The following ATP8B2 variants were observed in gnomAD, a reference collection of about 807,000 sequenced individuals.
The protein encoded by ATP8B2 is phospholipid-transporting ATPase ID.
Under a neutral mutation model 133.4 loss-of-function variants are expected in ATP8B2, and 70 were observed. The ratio of observed to expected loss-of-function variants is 0.52; its 90% confidence interval spans 0.43 to 0.64. The LOEUF (loss-of-function observed/expected upper bound fraction) is 0.64, where lower values mean the gene tolerates loss of function less well. Ranked by LOEUF, ATP8B2 falls within the 30% of genes least tolerant of loss-of-function variation. ATP8B2 has a pLI of 0.00. For missense variants in ATP8B2, 1,101 were observed against 1,535.7 expected, an observed-to-expected ratio of 0.72 and a Z score of 4.73; for synonymous variants, 517 against 589.5, an observed-to-expected ratio of 0.88 and a Z score of 1.78.
In ATP8B2 at chr1:154,345,057, C is replaced by CT; in HGVS notation, c.2375dup (p.Leu792PhefsTer27). 2 of 1,614,168 alleles carry CT rather than the reference C, an allele frequency of 1.2e-6. No individual in the cohort carries two copies. The highest frequency in any genetic ancestry group is 1.3e-5 in the African/African-American group (1 of 75,050). On this transcript the variant is annotated frameshift_variant, in exon 22 of 28. Coordinates refer to ENST00000368489, the MANE Select transcript of ATP8B2 (RefSeq NM_001370597.1). LOFTEE classifies it high-confidence loss of function. This position sits in a 1 kb window ranked among gnomAD's most constrained non-coding sequence, Gnocchi z 5.6. Reference sequence around the variant, plus strand: ...CTGTCATCTGCTGCCGGGTGACCCCCTTGCAGAAGGCACAGGTGGTAGAAC... The same window carrying CT: ...CTGTCATCTGCTGCCGGGTGACCCCCTTTGCAGAAGGCACAGGTGGTAGAAC...
In ATP8B2 at chr1:154,344,241, C is replaced by T. The variant is rs148099162; in HGVS notation, c.2022C>T (p.Thr674=). ...CCAACATCAAGATTTGGGTGCTAAC[C>T]GGAGACAAGCAAGGTGAGAGCCCAG... ...TLANIKIWVL[T]GDKQETAVNI... Residue 674 remains threonine (T), a synonymous_variant, in exon 19 of 28, where the codon ACC becomes ACT. Coordinates refer to ENST00000368489, the MANE Select transcript of ATP8B2 (RefSeq NM_001370597.1). This position sits in a 1 kb window ranked among gnomAD's most constrained non-coding sequence, Gnocchi z 4.1. 27 of 1,614,044 alleles carry T rather than the reference C, an allele frequency of 1.7e-5. No individual in the cohort carries two copies. The highest frequency in any genetic ancestry group is 1.6e-4 in the African/African-American group (12 of 74,908).
In ATP8B2 at chr1:154,329,000, A is replaced by C. The variant is rs2149158960; in HGVS notation, c.31+828A>C. The C allele has an allele frequency of 7.7e-7, 1 of 1,303,996 alleles. No homozygotes were observed. The highest frequency in any genetic ancestry group is 1.5e-5 in the African/African-American group (1 of 65,938). 80.8% of individuals were successfully genotyped at this position (1,303,996 alleles called of 1,614,324 possible). A position where few individuals can be genotyped will look rare whatever the true frequency, so the allele number is the denominator to read the frequency against. On this transcript the variant is annotated intron_variant, in intron 2 of 27. Transcript: ENST00000368489. This position sits in a 1 kb window ranked among gnomAD's most constrained non-coding sequence, Gnocchi z 4.6. ...TCAAACCGGGATCATGACGGTCCCC[A>C]AGGAGATGCCCGAGAAGTGGGCCCG...
At chr1:154,342,393 C>A in intron 13 of ATP8B2, 87 bp from the exon 14 acceptor site, 5 of 1,352,486 alleles carry the variant, frequency 3.7e-6, no homozygotes, top group Non-Finnish European at 5.3e-6. Flanking sequence ...TCAGTGCCTA[C>A]GGGGATTCTG....
At chr1:154,348,702 C>T in intron 27 of ATP8B2, 138 bp from the exon 28 acceptor site, 1 of 1,375,906 alleles carries the variant, frequency 7.3e-7, no homozygotes, top group Non-Finnish European at 9.6e-7. Flanking sequence ...ACAGAGGCCT[C>T]TGCGTCAGCC....
rs772244439 is a variant in ATP8B2 at position 154,348,465 on chromosome 1, C to T, written c.3221C>T (p.Thr1074Ile). ...GTGTGGCTGACCATTGTGCTCACCA[C>T]AGTCGTCTGCATCATGCCCGTGGTT... The part of the protein sequence containing the change: ...PTVWLTIVLT[T>I]VVCIMPVVAF... Residue 1074 changes from threonine (T) to isoleucine (I), a missense_variant, in exon 27 of 28, where the codon ACA becomes ATA. Thr to Ile is a moderately conservative substitution (Grantham distance 89). Coordinates refer to ENST00000368489, the MANE Select transcript of ATP8B2 (RefSeq NM_001370597.1). The T allele has an allele frequency of 8.7e-6, 14 of 1,614,014 alleles. No individual in the cohort carries two copies. The highest frequency in any genetic ancestry group is 1.2e-5 in the Non-Finnish European group (14 of 1,180,000).
In ATP8B2 at chr1:154,331,192, A is replaced by G; in HGVS notation, c.303+46A>G. The G allele has an allele frequency of 6.5e-7, 1 of 1,539,028 alleles. No individual in the cohort carries two copies. Among genetic ancestry groups the G allele is most frequent in the Non-Finnish European group, 8.9e-7 (1 of 1,119,530 alleles). On this transcript the variant is annotated intron_variant, in intron 5 of 27. Transcript: ENST00000368489. The surrounding 1 kb of genome is among the most constrained non-coding windows in gnomAD (Gnocchi z 4.8). ...TATTTTGTCCCAGTCACCCACCCCT[A>G]CTCCCAGCCCCACCCCCATCTCATG...
intron 2 of ATP8B2, among the ~76,000 whole-genome samples, chr1:154,330,066 A>G (rs1043178662): frequency 2.0e-5 from 3 of 152,130 alleles, no homozygotes; most frequent in Non-Finnish European, 4.4e-5. Context: ...TAATAGCAGC[A>G]AAAGGGGCTG....
chr1:154,329,137 C>T, intron 2 of ATP8B2: 2 of 1,201,698 alleles, frequency 1.7e-6, no homozygotes, highest in Non-Finnish European at 2.1e-6. Flanking sequence ...CCAATCCCTA[C>T]ATTCACTTGT....
In ATP8B2 at chr1:154,346,113, A is replaced by G. The variant is rs1456345112; in HGVS notation, c.2779-118A>G. On this transcript the variant is annotated intron_variant, in intron 24 of 27. Transcript: ENST00000368489. This position sits in a 1 kb window ranked among gnomAD's most constrained non-coding sequence, Gnocchi z 4.5. The stretch of plus-strand genomic sequence containing the variant: ...GGGTAGCTGGCTTGAGGTTGGTTCT[A>G]GCTGCCAAAGACTTTGGAAAGGAGG... 14 of 1,448,040 alleles carry G rather than the reference A, an allele frequency of 9.7e-6. No individual in the cohort carries two copies. The highest frequency in any genetic ancestry group is 1.4e-5 in the African/African-American group (1 of 70,718). The allele number at this position is 1,448,040 out of a possible 1,614,324, so 89.7% of individuals were successfully genotyped here.
At chr1:154,335,189 G>A (rs1330688327) in intron 11 of ATP8B2, among the ~76,000 whole-genome samples, 1 of 152,166 alleles carries the variant, frequency 6.6e-6, no homozygotes, top group Non-Finnish European at 1.5e-5. Context: ...GCTTTAAAGA[G>A]TGTGCGGAAA....
Position 154,331,163 on chromosome 1 carries a change from C to A in ATP8B2, c.303+17C>A. On this transcript the variant is annotated intron_variant, in intron 5 of 27. Coordinates refer to ENST00000368489, the MANE Select transcript of ATP8B2 (RefSeq NM_001370597.1). The surrounding 1 kb of genome is among the most constrained non-coding windows in gnomAD (Gnocchi z 4.8). Reference sequence around the variant, plus strand: ...GATGACTATGTGAGTGGTTTTCATTCTTCTATTTTGTCCCAGTCACCCACC... The same window carrying A: ...GATGACTATGTGAGTGGTTTTCATTATTCTATTTTGTCCCAGTCACCCACC... 1 of 1,607,162 alleles carries A rather than the reference C, an allele frequency of 6.2e-7. No individual in the cohort carries two copies. Among genetic ancestry groups the A allele is most frequent in the South Asian group, 1.1e-5 (1 of 90,890 alleles).
chr1:154,342,772 T>G (rs1686429982), intron 14 of ATP8B2, 24 bp from the exon 15 acceptor site: 1 of 1,611,934 alleles, frequency 6.2e-7, no homozygotes. Flanking sequence ...TAGCCTTTCC[T>G]AAGAGCCTTC....
In ATP8B2 at chr1:154,344,008, G is replaced by A. The variant is rs373295550; in HGVS notation, c.1874G>A (p.Arg625Gln). The A allele has an allele frequency of 1.1e-5, 17 of 1,614,012 alleles. No individual in the cohort carries two copies. The highest frequency in any genetic ancestry group is 6.7e-5 in the African/African-American group (5 of 74,932). ...RLQASLAQDSREDRLASIYEE... is the reference protein window; with the variant it reads ...RLQASLAQDSQEDRLASIYEE... ...CAGGCCAGCCTGGCCCAGGACAGCCGGGAGGACAGGCTGGCTAGCATCTAT... is the reference window on the plus strand; with the variant it reads ...CAGGCCAGCCTGGCCCAGGACAGCCAGGAGGACAGGCTGGCTAGCATCTAT... The change falls in exon 18 of 28, where the codon CGG becomes CAG. Residue 625 changes from arginine to glutamine, a missense_variant. By Grantham distance (43) the Arg-to-Gln change is conservative (BLOSUM62 1). Coordinates refer to ENST00000368489, the MANE Select transcript of ATP8B2 (RefSeq NM_001370597.1). This position sits in a 1 kb window ranked among gnomAD's most constrained non-coding sequence, Gnocchi z 4.1.
chr1:154,329,124 C>T (rs1685896093), intron 2 of ATP8B2: 1 of 1,212,724 alleles, frequency 8.2e-7, no homozygotes, highest in African/African-American at 1.6e-5. Context: ...TTATTTCCCC[C>T]CTCCAATCCC....
intron 9 of ATP8B2, 131 bp from the exon 10 acceptor site, chr1:154,333,976 C>T: frequency 8.0e-6 from 9 of 1,130,548 alleles, no homozygotes; most frequent in Non-Finnish European, 1.0e-5. Flanking sequence ...GCTCACACTC[C>T]TCCCAGCAGC....
rs1451379136 is a variant in ATP8B2, at chr1:154,343,597, T to TG, written c.1758+35dup. On this transcript the variant is annotated intron_variant, in intron 17 of 27. Coordinates refer to ENST00000368489, the MANE Select transcript of ATP8B2 (RefSeq NM_001370597.1). This position sits in a 1 kb window ranked among gnomAD's most constrained non-coding sequence, Gnocchi z 5.8. ...GGTGTGAGGAGAGGAGGGGCCAGCC[T>TG]GGGGGGTTCTACTCTTAGTGTGGGG... 69 of 1,598,290 alleles carry TG rather than the reference T, an allele frequency of 4.3e-5. No individual in the cohort carries two copies. The highest frequency in any genetic ancestry group is 5.7e-5 in the Non-Finnish European group (66 of 1,166,160).
In ATP8B2 at chr1:154,330,455, G is replaced by A; in HGVS notation, c.90+1G>A. 6.8e-7 allele frequency: 1 copy of A among 1,469,350 alleles called. No homozygotes were observed. Among genetic ancestry groups the A allele is most frequent in the Non-Finnish European group, 9.4e-7 (1 of 1,059,732 alleles). The allele number at this position is 1,469,350 out of a possible 1,614,324, so 91.0% of individuals were successfully genotyped here. A position where few individuals can be genotyped will look rare whatever the true frequency, so the allele number is the denominator to read the frequency against. ...ATACAATGAGAAATTCCAGTATGCG[G>A]TAAGCGACTCTAGACCACCTGTTCC... is the stretch of plus-strand genomic sequence containing the variant. On this transcript the variant is annotated splice_donor_variant, in intron 3 of 27. Transcript: ENST00000368489. LOFTEE classifies it high-confidence loss of function.
intron 1 of ATP8B2, among the ~76,000 whole-genome samples, chr1:154,326,395 G>A (rs1476770990): frequency 6.6e-6 from 1 of 152,170 alleles, no homozygotes; most frequent in East Asian, 1.9e-4. Context: ...TTCCTCCATG[G>A]AGCATTGCCT....
Position 154,348,512 on chromosome 1 carries a change from A to C in ATP8B2, c.3268A>C (p.Asn1090His). 2 of 1,614,084 alleles carry C rather than the reference A, an allele frequency of 1.2e-6. No homozygotes were observed. Among genetic ancestry groups the C allele is most frequent in the Non-Finnish European group, 8.5e-7 (1 of 1,179,984 alleles). The stretch of plus-strand genomic sequence containing the variant: ...GGTTGCCTTCCGATTCCTCAGGCTC[A>C]ACCTGAAGCCGGATCTCTCCGACAC... The part of the protein sequence containing the change: ...PVVAFRFLRL[N>H]LKPDLSDTVR... Residue 1090 changes from asparagine to histidine, a missense_variant, in exon 27 of 28, where the codon AAC becomes CAC. Asn to His is a moderately conservative substitution (Grantham distance 68). Transcript: ENST00000368489.
Sources: gnomAD v4.1 joint callset for allele counts (sites outside exome capture counted in the v4.1 genomes callset) on GRCh38, gnomAD v4.1.1 for gene constraint, Gnocchi (gnomAD v3.1) non-coding constraint, MANE v1.5 for transcripts, NCBI Gene and HGNC (gene_info 2026-07-23, HGNC 2026-07-21) for gene names.